Variants in GOLGA3 observed in about 807,000 individuals in gnomAD.
GOLGA3 encodes the protein golgin subfamily A member 3.
A neutral mutation model predicts 169.4 loss-of-function variants in GOLGA3; 75 were observed. The ratio of observed to expected loss-of-function variants is 0.44; its 90% CI spans 0.37 to 0.54. The LOEUF is 0.54. Among genes scored for constraint, GOLGA3 ranks in the 20% least tolerant of loss-of-function variants. The probability of loss-of-function intolerance (pLI) is 0.00; values close to 1 mark genes in which losing one functional copy is unlikely to be tolerated. For missense variants in GOLGA3, 1,899 were observed against 1,930.0 expected (o/e 0.98, Z 0.30); for synonymous variants, 824 against 822.4 (o/e 1.00, Z -0.03).
intron 13 of GOLGA3, 69 bp downstream of exon 13, chr12:132,788,958 C>G: frequency 1.6e-5 from 18 of 1,159,926 alleles, no homozygotes; most frequent in East Asian, 3.6e-5. Context: ...CAGACACAGG[C>G]CCCACCCTCC....
At chr12:132,812,831 C>G (rs1462807899) in intron 4 of GOLGA3, among the ~76,000 whole-genome samples, 1 of 152,220 alleles carries the variant, frequency 6.6e-6, no homozygotes, top group Non-Finnish European at 1.5e-5. Context: ...GCAACCACCA[C>G]CCTGATGAGT....
intron 3 of GOLGA3, among the ~76,000 whole-genome samples, chr12:132,814,210 G>C (rs931582758): frequency 6.6e-6 from 1 of 151,684 alleles, no homozygotes; most frequent in Non-Finnish European, 1.5e-5. Flanking sequence ...TTTTAGTAGA[G>C]ACAGGGTTTC....
rs1466679952 is a variant in GOLGA3 at position 132,822,087 on chromosome 12, G to T, written c.42C>A (p.Asp14Glu). The T allele has an allele frequency of 1.2e-6, 2 of 1,607,626 alleles. No homozygotes were observed. Among genetic ancestry groups the T allele is most frequent in the Non-Finnish European group, 1.7e-6 (2 of 1,177,818 alleles). Reference protein sequence around the residue: ...ASAEQDGLQEDRSHSGPSSLP... With the variant: ...ASAEQDGLQEERSHSGPSSLP... Reference sequence around the variant, plus strand: ...GAGACGAGGGGCCACTGTGGGATCTGTCCTCCTGGAGGCCATCTTGCTCGG... The same window carrying T: ...GAGACGAGGGGCCACTGTGGGATCTTTCCTCCTGGAGGCCATCTTGCTCGG... Residue 14 changes from aspartate (D) to glutamate (E), a missense_variant, in exon 2 of 24, where the codon GAC (aspartate) becomes GAA (glutamate). By Grantham distance (45) the Asp-to-Glu change is conservative. Transcript: ENST00000450791.
chr12:132,786,089 G>A (rs1455437412), intron 15 of GOLGA3, among the ~76,000 whole-genome samples: 1 of 152,230 alleles, frequency 6.6e-6, no homozygotes, highest in Non-Finnish European at 1.5e-5. Flanking sequence ...CTGAGCCAAG[G>A]AGATTTCTTG....
Position 132,777,095 on chromosome 12 carries a change from C to T in GOLGA3, c.3723-5G>A, listed in dbSNP as rs367701791. The stretch of plus-strand genomic sequence containing the variant: ...GAATGTTTCCCCTCCCGAATCCTAG[C>T]GTAAAAAAACAAGAAAGAAGGGAAT... On this transcript the variant is annotated splice_polypyrimidine_tract_variant and splice_region_variant and intron_variant, in intron 19 of 23. Transcript: ENST00000450791. The surrounding 1 kb of genome is among the most constrained non-coding windows in gnomAD (Gnocchi z 4.7). The T allele has an allele frequency of 3.4e-5, 54 of 1,572,860 alleles. No homozygotes were observed. The highest frequency in any genetic ancestry group is 9.8e-5 in the Admixed American group (5 of 50,860).
chr12:132,823,855 G>C (rs1338250723), intron 1 of GOLGA3, among the ~76,000 whole-genome samples: 1 of 151,680 alleles, frequency 6.6e-6, no homozygotes, highest in East Asian at 1.9e-4. Flanking sequence ...GGTCAAGGTG[G>C]GTGGATCACT....
intron 2 of GOLGA3, among the ~76,000 whole-genome samples, chr12:132,819,171 C>A (rs891198560): frequency 6.6e-6 from 1 of 152,052 alleles, no homozygotes; most frequent in Non-Finnish European, 1.5e-5. Flanking sequence ...TCACAGGGGT[C>A]AGCATTCCTC....
At chr12:132,821,275 C>A (rs1336730120) in intron 2 of GOLGA3, among the ~76,000 whole-genome samples, 2 of 151,266 alleles carry the variant, frequency 1.3e-5, no homozygotes, top group African/African-American at 4.9e-5. Context: ...GGCGTGGTAG[C>A]GCATGCCTGT....
chr12:132,775,845 C>T (rs770672792), intron 21 of GOLGA3, among the ~76,000 whole-genome samples: 1 of 152,260 alleles, frequency 6.6e-6, no homozygotes, highest in Non-Finnish European at 1.5e-5. Flanking sequence ...CAAGACCGAA[C>T]CCTGAGTTCT....
Position 132,808,049 on chromosome 12 carries a change from G to A in GOLGA3, c.1020C>T (p.Asp340=), listed in dbSNP as rs776483665. The change falls in exon 5 of 24, where the codon GAC becomes GAT. Residue 340 remains aspartate, a synonymous_variant. Transcript: ENST00000450791. ...GILSKTVGTQ[D]TPYMVNGQEI... ...CCTGGCCGTTGACCATATAGGGGGT[G>A]TCCTGCGTGCCCACTGTCTTCGACA... The A allele has an allele frequency of 6.2e-7, 1 of 1,603,076 alleles. No individual in the cohort carries two copies. Among genetic ancestry groups the A allele is most frequent in the South Asian group, 1.1e-5 (1 of 89,712 alleles).
At chr12:132,784,997 T>A (rs1177901918) in intron 15 of GOLGA3, among the ~76,000 whole-genome samples, 1 of 152,228 alleles carries the variant, frequency 6.6e-6, no homozygotes, top group Non-Finnish European at 1.5e-5. Flanking sequence ...TTGCCAAGCA[T>A]GTTCCAGTAC....
In GOLGA3 at chr12:132,789,297, A is replaced by G. The variant is rs1464819702; in HGVS notation, c.2548-7T>C. Reference sequence around the variant, plus strand: ...GGTAGGCCTCCACCATCACCTGCCAAAGACAGAGGCTGTGAGCGGACGCTG... The same window carrying G: ...GGTAGGCCTCCACCATCACCTGCCAGAGACAGAGGCTGTGAGCGGACGCTG... On this transcript the variant is annotated splice_polypyrimidine_tract_variant and splice_region_variant and intron_variant, in intron 12 of 23. Coordinates refer to ENST00000450791, the MANE Select transcript of GOLGA3 (RefSeq NM_001389683.1). 3 of 1,584,032 alleles carry G rather than the reference A, an allele frequency of 1.9e-6. No homozygotes were observed. Among genetic ancestry groups the G allele is most frequent in the East Asian group, 2.2e-5 (1 of 44,540 alleles).
At chr12:132,801,061 T>G (rs4758935) in intron 8 of GOLGA3, among the ~76,000 whole-genome samples, 147,977 of 152,340 alleles carry the variant, frequency 0.97, 72,030 homozygotes, top group East Asian at 1. Context: ...GGATCGAGGT[T>G]CACTCGAACC....
At chr12:132,774,616 C>CT in intron 22 of GOLGA3, 1 of 479,066 alleles carries the variant, frequency 2.1e-6, no homozygotes, top group East Asian at 3.7e-5. Flanking sequence ...CCAGACGCTT[C>CT]TCCCATCAGA....
At chr12:132,780,054 CAT>C (rs1229528871) in intron 18 of GOLGA3, among the ~76,000 whole-genome samples, 2 of 142,906 alleles carry the variant, frequency 1.4e-5, no homozygotes, top group Non-Finnish European at 3.0e-5. Context: ...CCCCCGCGCA[CAT>C]ACACACACAC....
Position 132,769,780 on chromosome 12 carries a change from A to C in GOLGA3, c.*3325T>G, listed in dbSNP as rs1413463468. 1 of 152,154 alleles carries C rather than the reference A, an allele frequency of 6.6e-6. No homozygotes were observed. The highest frequency in any genetic ancestry group is 1.5e-5 in the Non-Finnish European group (1 of 68,032). The allele number at this position is 152,154 out of a possible 1,614,324, so 9.4% of individuals were successfully genotyped here. On this transcript the variant is annotated 3_prime_UTR_variant, in exon 24 of 24. Coordinates refer to ENST00000450791, the MANE Select transcript of GOLGA3 (RefSeq NM_001389683.1). Reference sequence around the variant, plus strand: ...CCCTGTTTTGTAAGCAGTACTCCCAACTTCACTGCCTTTTCCGTGAGGATA... The same window carrying C: ...CCCTGTTTTGTAAGCAGTACTCCCACCTTCACTGCCTTTTCCGTGAGGATA...
intron 2 of GOLGA3, among the ~76,000 whole-genome samples, chr12:132,820,663 G>A (rs903258672): frequency 3.3e-5 from 5 of 152,148 alleles, no homozygotes; most frequent in African/African-American, 7.2e-5. Context: ...CATGAGAACT[G>A]AGTGAATAAC....
chr12:132,782,413 G>C lies in GOLGA3; in HGVS notation c.3348C>G (p.His1116Gln). Residue 1116 changes from histidine to glutamine, a missense_variant, in exon 17 of 24, where the codon CAC becomes CAG. Transcript: ENST00000450791. The stretch of plus-strand genomic sequence containing the variant: ...CGAGGCCCGTAAGCTTCCCTTTCTC[G>C]TGCTCTAATTCAAGAGCCAACTTCT... ...SNKKLALELE[H>Q]EKGKLTGLGQ... 1 of 1,613,864 alleles carries C rather than the reference G, an allele frequency of 6.2e-7. No homozygotes were observed. The highest frequency in any genetic ancestry group is 1.1e-5 in the South Asian group (1 of 91,082).
chr12:132,802,376 AGGGGG>A, intron 7 of GOLGA3, among the ~76,000 whole-genome samples: 1 of 22,280 alleles, frequency 4.5e-5, no homozygotes. Flanking sequence ...ACGGGGGTGC[AGGGGG>A]CATGGGGGGT....
Sources: gnomAD v4.1 joint callset for allele counts (sites outside exome capture counted in the v4.1 genomes callset) on GRCh38, gnomAD v4.1.1 for gene constraint, Gnocchi (gnomAD v3.1) non-coding constraint, MANE v1.5 for transcripts, NCBI Gene and HGNC (gene_info 2026-07-23, HGNC 2026-07-21) for gene names.